ZNF805: variants seen among roughly 807,000 people sequenced by gnomAD.
The protein encoded by ZNF805 is CTC-444N24.8.
In ZNF805, 7 loss-of-function variants were observed where a neutral mutation model predicts 13.6. The observed-to-expected ratio is 0.51, with a 90% CI of 0.29 to 0.97. The LOEUF (loss-of-function observed/expected upper bound fraction) is 0.97, where lower values mean the gene tolerates loss of function less well. ZNF805 is among the 50% of genes least tolerant of loss of function. The pLI is 0.08. For missense variants in ZNF805, 604 were observed against 771.0 expected (o/e 0.78, Z 2.57); for synonymous variants, 293 against 279.8 (o/e 1.05, Z -0.47).
rs2087681870 is a variant in ZNF805 at position 57,255,392 on chromosome 19, A to C, written c.*689A>C. On this transcript the variant is annotated 3_prime_UTR_variant, in exon 4 of 4. Coordinates refer to ENST00000414468, the MANE Select transcript of ZNF805 (RefSeq NM_001023563.4). ...TTTAGGATTGGTTTTTCTGTTTTTCAAATATTCTTGCTTGGATTTTGATAG... is the reference window on the plus strand; with the variant it reads ...TTTAGGATTGGTTTTTCTGTTTTTCCAATATTCTTGCTTGGATTTTGATAG... Among the ~76,000 whole-genome samples the C allele has an allele frequency of 6.6e-6, 1 of 152,064 alleles. No homozygotes were observed. Among genetic ancestry groups the C allele is most frequent in the African/African-American group, 2.4e-5 (1 of 41,424 alleles).
intron 2 of ZNF805, among the ~76,000 whole-genome samples, chr19:57,244,288 C>T (rs546524706): frequency 1.4e-4 from 21 of 150,700 alleles, no homozygotes; most frequent in Admixed American, 2.6e-4. Flanking sequence ...CTGCAACCTC[C>T]GCCTCCCAGG....
At chr19:57,247,005 G>C (rs4801449) in intron 2 of ZNF805, among the ~76,000 whole-genome samples, 26,541 of 150,222 alleles carry the variant, frequency 0.18, 2,438 homozygotes, top group African/African-American at 0.21. Context: ...GAATGTTTTT[G>C]TGTAGAAAAA....
rs1235020100 is a variant in ZNF805, at chr19:57,255,362, T to A, written c.*659T>A. Among the ~76,000 whole-genome samples, 1 of 152,166 alleles carries A rather than the reference T, an allele frequency of 6.6e-6. No individual in the cohort carries two copies. Among genetic ancestry groups the A allele is most frequent in the Non-Finnish European group, 1.5e-5 (1 of 67,992 alleles). ...AGCATTCCTAGTTTGACTTTCCATA[T>A]ACACTTTAGGATTGGTTTTTCTGTT... On this transcript the variant is annotated 3_prime_UTR_variant, in exon 4 of 4. Coordinates refer to ENST00000414468, the MANE Select transcript of ZNF805 (RefSeq NM_001023563.4).
intron 2 of ZNF805, among the ~76,000 whole-genome samples, chr19:57,245,570 G>C (rs2087609046): frequency 2.0e-5 from 3 of 150,138 alleles, no homozygotes; most frequent in South Asian, 2.1e-4. Context: ...ACAAGGTCAG[G>C]AGATAGAGAC....
intron 3 of ZNF805, among the ~76,000 whole-genome samples, chr19:57,249,580 G>A (rs1053229075): frequency 3.9e-5 from 6 of 152,122 alleles, no homozygotes; most frequent in East Asian, 1.9e-4. Flanking sequence ...GTGATGATAC[G>A]TTACATTTCC....
At position 57,240,749 on chromosome 19, in the gene ZNF805, G is replaced by A; in HGVS notation, c.-143G>A. The A allele has an allele frequency of 1.4e-6, 1 of 738,794 alleles. No individual in the cohort carries two copies. Among genetic ancestry groups the A allele is most frequent in the Non-Finnish European group, 2.1e-6 (1 of 470,512 alleles). The allele number at this position is 738,794 out of a possible 1,614,324, so 45.8% of individuals were successfully genotyped here. A position where few individuals can be genotyped will look rare whatever the true frequency, so the allele number is the denominator to read the frequency against. ...CGACCTCCGCGTCTCGGAGCGAACC[G>A]TGAGCCTCCCCGTAACGAGAGAGTT... On this transcript the variant is annotated 5_prime_UTR_variant, in exon 1 of 4. The change creates a new upstream start codon in the 5' untranslated region. Transcript: ENST00000414468.
intron 2 of ZNF805, among the ~76,000 whole-genome samples, chr19:57,247,032 CTTTTTT>C (rs11286084): frequency 7.2e-6 from 1 of 138,272 alleles, no homozygotes; most frequent in Non-Finnish European, 1.6e-5. Flanking sequence ...CTCTTGTGAA[CTTTTTT>C]TTTTTTTTTT....
intron 3 of ZNF805, among the ~76,000 whole-genome samples, chr19:57,251,238 T>G (rs763521198): frequency 8.5e-5 from 13 of 152,134 alleles, no homozygotes; most frequent in Non-Finnish European, 1.3e-4. Flanking sequence ...AAAAAATTCC[T>G]CTCAGGAATT....
chr19:57,254,786 C>T lies in ZNF805; in HGVS notation c.*83C>T, dbSNP rs1163792758. The T allele has an allele frequency of 6.5e-6, 9 of 1,389,042 alleles. No individual in the cohort carries two copies. Among genetic ancestry groups the T allele is most frequent in the Non-Finnish European group, 8.7e-6 (9 of 1,030,978 alleles). 86.0% of individuals were successfully genotyped at this position (1,389,042 alleles called of 1,614,324 possible). A position where few individuals can be genotyped will look rare whatever the true frequency, so the allele number is the denominator to read the frequency against. ...CGCAGCTTAGAGCCTTATTCTCCAT[C>T]CGAATTCATCCTGGAAAAACACCCA... On this transcript the variant is annotated 3_prime_UTR_variant, in exon 4 of 4. Coordinates refer to ENST00000414468, the MANE Select transcript of ZNF805 (RefSeq NM_001023563.4).
intron 3 of ZNF805, among the ~76,000 whole-genome samples, chr19:57,252,279 C>T (rs565435012): frequency 6.6e-6 from 1 of 152,184 alleles, no homozygotes; most frequent in Admixed American, 6.5e-5. Flanking sequence ...ACACAGTCCT[C>T]CAGGACTTTG....
intron 3 of ZNF805, 144 bp from the exon 4 acceptor site, chr19:57,252,929 T>G: frequency 1.5e-6 from 1 of 658,620 alleles, no homozygotes; most frequent in Non-Finnish European, 2.2e-6. Flanking sequence ...AAGAAACAAA[T>G]TATAGATCTG....
At chr19:57,245,609 C>G (rs558199913) in intron 2 of ZNF805, among the ~76,000 whole-genome samples, 7 of 149,038 alleles carry the variant, frequency 4.7e-5, no homozygotes, top group Admixed American at 3.4e-4. Context: ...GCAACCCTGT[C>G]TCTACTAAAA....
chr19:57,248,271 T>C (rs2087631106), intron 2 of ZNF805, among the ~76,000 whole-genome samples: 1 of 152,036 alleles, frequency 6.6e-6, no homozygotes, highest in Non-Finnish European at 1.5e-5. Flanking sequence ...ATGAAAATAA[T>C]CAATGTTTAA....
chr19:57,254,371 A>G lies in ZNF805; in HGVS notation c.1552A>G (p.Lys518Glu). ...EKPYECIECG[K>E]TFCWSTNLIR... ...GCCCTATGAATGCATCGAGTGTGGG[A>G]AAACATTTTGCTGGAGCACAAACCT... is the stretch of plus-strand genomic sequence containing the variant. Residue 518 changes from lysine (K) to glutamate (E), a missense_variant, in exon 4 of 4, where the codon AAA becomes GAA. By Grantham distance (56) the Lys-to-Glu change is moderately conservative. Coordinates refer to ENST00000414468, the MANE Select transcript of ZNF805 (RefSeq NM_001023563.4). 6.2e-7 allele frequency: 1 copy of G among 1,614,166 alleles called. No individual in the cohort carries two copies. The highest frequency in any genetic ancestry group is 1.7e-5 in the Admixed American group (1 of 60,016).
chr19:57,248,080 G>C (rs961456815), intron 2 of ZNF805, among the ~76,000 whole-genome samples: 1 of 152,126 alleles, frequency 6.6e-6, no homozygotes, highest in Non-Finnish European at 1.5e-5. Flanking sequence ...ATGATGGCAC[G>C]CGCCTTTAGT....
Position 57,258,956 on chromosome 19 carries a change from C to T in ZNF805, c.*4253C>T, listed in dbSNP as rs986778879. Among the ~76,000 whole-genome samples the T allele has an allele frequency of 6.6e-6, 1 of 152,130 alleles. No individual in the cohort carries two copies. The highest frequency in any genetic ancestry group is 1.5e-5 in the Non-Finnish European group (1 of 68,022). On this transcript the variant is annotated 3_prime_UTR_variant, in exon 4 of 4. Coordinates refer to ENST00000414468, the MANE Select transcript of ZNF805 (RefSeq NM_001023563.4). ...ATAATAGGATTTAGGGTCTGCAGTTCTTTTAGTACTTGAGAAACATGTTTG... is the reference window on the plus strand; with the variant it reads ...ATAATAGGATTTAGGGTCTGCAGTTTTTTTAGTACTTGAGAAACATGTTTG...
intron 1 of ZNF805, among the ~76,000 whole-genome samples, chr19:57,241,888 C>A (rs911335289): frequency 6.6e-6 from 1 of 152,180 alleles, no homozygotes; most frequent in African/African-American, 2.4e-5. Flanking sequence ...AAGTAGTCCC[C>A]TTCTCACCTG....
At position 57,261,526 on chromosome 19, in the gene ZNF805, AAT is replaced by A. The variant is rs371472228; in HGVS notation, c.*6830_*6831del. ...CCTTTTTGTTCCGTAGTAGACCCTC[AAT>A]ATATATGTGTGTGTTGGTAAATGGC... On this transcript the variant is annotated 3_prime_UTR_variant, in exon 4 of 4. Coordinates refer to ENST00000414468, the MANE Select transcript of ZNF805 (RefSeq NM_001023563.4). 3.6e-5 allele frequency: 6 copies of A among 167,038 alleles called. No individual in the cohort carries two copies. In the East Asian group the frequency reaches 1.2e-3, roughly 32 times the overall value. The allele number at this position is 167,038 out of a possible 1,614,324, so 10.3% of individuals were successfully genotyped here. A position where few individuals can be genotyped will look rare whatever the true frequency, so the allele number is the denominator to read the frequency against.
chr19:57,258,746 C>T lies in ZNF805; in HGVS notation c.*4043C>T, dbSNP rs938273831. Among the ~76,000 whole-genome samples, 2 of 152,196 alleles carry T rather than the reference C, an allele frequency of 1.3e-5. No individual in the cohort carries two copies. Among genetic ancestry groups the T allele is most frequent in the African/African-American group, 4.8e-5 (2 of 41,460 alleles). On this transcript the variant is annotated 3_prime_UTR_variant, in exon 4 of 4. Transcript: ENST00000414468. ...TGTCAAATATATTTTACAAAAGTCA[C>T]AGGAAGTATTGCTTGTTGATCTCTT...
Sources: gnomAD v4.1 joint callset for allele counts (sites outside exome capture counted in the v4.1 genomes callset) on GRCh38, gnomAD v4.1.1 for gene constraint, MANE v1.5 for transcripts, NCBI Gene and HGNC (gene_info 2026-07-23, HGNC 2026-07-21) for gene names.